The following GSAP variants were observed in gnomAD, a reference collection of about 807,000 sequenced individuals.
GSAP encodes gamma-secretase-activating protein.
A neutral mutation model predicts 131.7 loss-of-function variants in GSAP; 118 were observed. The observed-to-expected ratio is 0.90, with a 90% CI of 0.77 to 1.04. GSAP has a LOEUF of 1.04. Ranked by LOEUF, GSAP falls within the 50% of genes least tolerant of loss-of-function variation. The pLI is 0.00. For missense variants in GSAP, 1,019 were observed against 1,013.2 expected (o/e 1.01, Z -0.08); for synonymous variants, 381 against 363.4 (o/e 1.05, Z -0.55).
At chr7:77,382,417 A>T (rs1374331439) in intron 7 of GSAP, among the ~76,000 whole-genome samples, 157 bp downstream of exon 7, 1 of 152,180 alleles carries the variant, frequency 6.6e-6, no homozygotes, top group Non-Finnish European at 1.5e-5. Flanking sequence ...CCAAAGGAAA[A>T]GCCCTTCCCA....
chr7:77,406,106 C>A lies in GSAP; in HGVS notation c.110-1G>T. The A allele has an allele frequency of 1.6e-6, 2 of 1,256,806 alleles. No individual in the cohort carries two copies. Among genetic ancestry groups the A allele is most frequent in the South Asian group, 1.5e-5 (1 of 64,812 alleles). 77.9% of individuals were successfully genotyped at this position (1,256,806 alleles called of 1,614,324 possible). ...CTCTCATAATCGTTTTCTAAAACAT[C>A]TGAAATGATAATAGGAGGTTAATAC... On this transcript the variant is annotated splice_acceptor_variant, in intron 1 of 30. Coordinates refer to ENST00000257626, the MANE Select transcript of GSAP (RefSeq NM_017439.4). LOFTEE classifies it high-confidence loss of function.
At chr7:77,318,958 C>A (rs1347657618) in intron 26 of GSAP, among the ~76,000 whole-genome samples, 1 of 151,618 alleles carries the variant, frequency 6.6e-6, no homozygotes, top group Non-Finnish European at 1.5e-5. Flanking sequence ...GGAGATGTAC[C>A]TAATGTAAAT....
At chr7:77,412,222 A>G (rs1309892308) in intron 1 of GSAP, among the ~76,000 whole-genome samples, 2 of 152,288 alleles carry the variant, frequency 1.3e-5, no homozygotes, top group African/African-American at 4.8e-5. Flanking sequence ...AACTCAGAAA[A>G]GGAGACCTAC....
At chr7:77,329,450 C>A in intron 20 of GSAP, 59 bp from the exon 21 acceptor site, 1 of 901,840 alleles carries the variant, frequency 1.1e-6, no homozygotes, top group South Asian at 1.7e-5. Context: ...TGACTTTTCA[C>A]GTCAAGGATA....
chr7:77,335,556 C>T (rs1409886030), intron 19 of GSAP, among the ~76,000 whole-genome samples: 2 of 152,100 alleles, frequency 1.3e-5, no homozygotes, highest in Non-Finnish European at 2.9e-5. Context: ...CACAACTATT[C>T]ACTGAACAAA....
rs1244626230 is a variant in GSAP, at chr7:77,406,996, C to T, written c.110-891G>A. Reference sequence around the variant, plus strand: ...AAATGAAGAACCCGGGCTAGGGATGCAGCTATCTGTAAGAGTATGGCTGGC... The same window carrying T: ...AAATGAAGAACCCGGGCTAGGGATGTAGCTATCTGTAAGAGTATGGCTGGC... On this transcript the variant is annotated intron_variant, in intron 1 of 30. Transcript: ENST00000257626. 4.6e-5 allele frequency among the ~76,000 whole-genome samples: 7 copies of T among 152,266 alleles called. No homozygotes were observed. In the East Asian group the frequency reaches 1.4e-3, roughly 29 times the overall value.
At chr7:77,398,264 C>T (rs1028384036) in intron 3 of GSAP, among the ~76,000 whole-genome samples, 1 of 152,156 alleles carries the variant, frequency 6.6e-6, no homozygotes, top group Admixed American at 6.5e-5. Flanking sequence ...ATCGAAAACA[C>T]ACCAGACCCC....
intron 1 of GSAP, among the ~76,000 whole-genome samples, chr7:77,408,095 G>A (rs1461073874): frequency 6.6e-6 from 1 of 152,310 alleles, no homozygotes; most frequent in Non-Finnish European, 1.5e-5. Flanking sequence ...AAGGACTTCT[G>A]AGGTTCCATT....
At chr7:77,345,456 G>A (rs1452784421) in intron 19 of GSAP, among the ~76,000 whole-genome samples, 1 of 152,068 alleles carries the variant, frequency 6.6e-6, no homozygotes. Context: ...AGGACTATCA[G>A]GCCTCTGAGC....
chr7:77,375,183 C>A (rs1014557510), intron 10 of GSAP, 82 bp from the exon 11 acceptor site: 6 of 742,234 alleles, frequency 8.1e-6, no homozygotes, highest in Middle Eastern at 2.4e-4. Context: ...CCCAAGTAAA[C>A]CAGAAAAATA....
intron 1 of GSAP, 124 bp downstream of exon 1, chr7:77,416,089 G>A: frequency 7.6e-6 from 4 of 527,292 alleles, no homozygotes; most frequent in Non-Finnish European, 1.3e-5. Flanking sequence ...GGGGAGCGAC[G>A]CCCTCGCACC....
Position 77,416,306 on chromosome 7 carries a change from C to T in GSAP, c.16G>A (p.Val6Ile), listed in dbSNP as rs1261611330. MALRL[V>I]ADFDLGKDVL... is the part of the protein sequence containing the mutation. ...TCCTTCCCGAGGTCGAAGTCGGCGA[C>T]CAGGCGAAGAGCCATCGCCCGGACA... The change falls in exon 1 of 31, where the codon GTC becomes ATC. Residue 6 changes from valine (V) to isoleucine (I), a missense_variant. Transcript: ENST00000257626. 3 of 1,496,252 alleles carry T rather than the reference C, an allele frequency of 2.0e-6. No individual in the cohort carries two copies. The highest frequency in any genetic ancestry group is 2.7e-6 in the Non-Finnish European group (3 of 1,124,412). 92.7% of individuals were successfully genotyped at this position (1,496,252 alleles called of 1,614,324 possible).
chr7:77,314,361 GCTT>G lies in GSAP; in HGVS notation c.2209+6_2209+8del, dbSNP rs1278438637. The stretch of plus-strand genomic sequence containing the variant: ...GAACTAGCACTCTGGCAAACTCAGG[GCTT>G]CTTACCTTTCATGAGCCTTATGACA... On this transcript the variant is annotated splice_donor_region_variant and intron_variant, in intron 27 of 30. Transcript: ENST00000257626. 6.2e-7 allele frequency: 1 copy of G among 1,613,320 alleles called. No individual in the cohort carries two copies. The highest frequency in any genetic ancestry group is 8.5e-7 in the Non-Finnish European group (1 of 1,179,642).
At position 77,416,289 on chromosome 7, in the gene GSAP, G is replaced by A. The variant is rs1389266165; in HGVS notation, c.33C>T (p.Leu11=). The stretch of plus-strand genomic sequence containing the variant: ...GCAACCACGGGAGCACGTCCTTCCC[G>A]AGGTCGAAGTCGGCGACCAGGCGAA... MALRLVADFD[L]GKDVLPWLRA... is the part of the protein sequence containing the mutation. The change falls in exon 1 of 31, where the codon CTC becomes CTT. Residue 11 remains leucine (L), a synonymous_variant. Transcript: ENST00000257626. The A allele has an allele frequency of 1.6e-5, 24 of 1,495,618 alleles. No homozygotes were observed. The highest frequency in any genetic ancestry group is 2.0e-5 in the Non-Finnish European group (23 of 1,124,174). 92.6% of individuals were successfully genotyped at this position (1,495,618 alleles called of 1,614,324 possible).
chr7:77,363,659 T>C (rs939295942), intron 12 of GSAP, among the ~76,000 whole-genome samples: 3 of 152,246 alleles, frequency 2.0e-5, no homozygotes, highest in Non-Finnish European at 2.9e-5. Context: ...TATTCTGTTA[T>C]AATATTTATC....
In GSAP at chr7:77,326,422, G is replaced by C. The variant is rs940899716; in HGVS notation, c.1766-149C>G. The C allele has an allele frequency of 5.1e-5, 29 of 571,948 alleles. No individual in the cohort carries two copies. In the Admixed American group the frequency reaches 8.3e-4, roughly 16 times the overall value. 35.4% of individuals were successfully genotyped at this position (571,948 alleles called of 1,614,324 possible). A position where few individuals can be genotyped will look rare whatever the true frequency, so the allele number is the denominator to read the frequency against. On this transcript the variant is annotated intron_variant, in intron 22 of 30. Coordinates refer to ENST00000257626, the MANE Select transcript of GSAP (RefSeq NM_017439.4). ...TTTTTCATCACCTAAGTGTGACCTA[G>C]TCCTACAAGGTGAACTTATCAGAGC...
chr7:77,339,973 C>G (rs1414996330), intron 19 of GSAP, among the ~76,000 whole-genome samples: 1 of 152,130 alleles, frequency 6.6e-6, no homozygotes, highest in Non-Finnish European at 1.5e-5. Context: ...CTATCATATC[C>G]CCTGTGACCT....
intron 6 of GSAP, among the ~76,000 whole-genome samples, chr7:77,384,871 A>G (rs1198204202): frequency 6.6e-6 from 1 of 152,108 alleles, no homozygotes; most frequent in African/African-American, 2.4e-5. Flanking sequence ...GGGATTTGCC[A>G]CTGGGGTTTA....
intron 14 of GSAP, among the ~76,000 whole-genome samples, chr7:77,356,661 G>A (rs1437071284): frequency 1.3e-5 from 2 of 152,138 alleles, no homozygotes; most frequent in Non-Finnish European, 2.9e-5. Flanking sequence ...ATGGAGACAA[G>A]GTATAAAAAA....
Sources: allele counts gnomAD v4.1 joint callset (sites outside exome capture counted in the v4.1 genomes callset), GRCh38; gene constraint gnomAD v4.1.1; transcripts MANE v1.5; gene names NCBI Gene and HGNC (gene_info 2026-07-23, HGNC 2026-07-21).